TARS3: variants seen among roughly 807,000 people sequenced by gnomAD.
The protein encoded by TARS3 is threonine--tRNA ligase 2, cytoplasmic.
In TARS3, 94 loss-of-function variants were observed where a neutral mutation model predicts 103.5. The observed-to-expected ratio is 0.91, with a 90% confidence interval of 0.77 to 1.08. The LOEUF (loss-of-function observed/expected upper bound fraction) is 1.08, where lower values mean the gene tolerates loss of function less well. Among genes scored for constraint, TARS3 ranks in the 50% least tolerant of loss-of-function variants. The pLI is 0.00. For missense variants in TARS3, 952 were observed against 995.2 expected, an observed-to-expected ratio of 0.96 and a Z score of 0.58; for synonymous variants, 416 against 355.4, an observed-to-expected ratio of 1.17 and a Z score of -1.92.
rs564513238 is a variant in TARS3, at chr15:101,713,285, G to A, written c.691-1284C>T. Among the ~76,000 whole-genome samples the A allele has an allele frequency of 3.9e-5, 6 of 152,306 alleles. No individual in the cohort carries two copies. The South Asian group carries it at 1.2e-3, about 32-fold the overall frequency. On this transcript the variant is annotated intron_variant, in intron 4 of 18. Transcript: ENST00000335968. ...TGTGTGACTAACACGTAGGGGATGT[G>A]ACAAAGCATAGCTTGAGAAAGGTTA...
chr15:101,705,077 A>G (rs1899486912), intron 7 of TARS3, among the ~76,000 whole-genome samples: 1 of 152,258 alleles, frequency 6.6e-6, no homozygotes, highest in South Asian at 2.1e-4. Flanking sequence ...AAAGGGGAAC[A>G]GCAATGACAT....
chr15:101,656,288 A>G (rs2141376874), intron 18 of TARS3, among the ~76,000 whole-genome samples: 1 of 152,350 alleles, frequency 6.6e-6, no homozygotes, highest in South Asian at 2.1e-4. Context: ...GGTGTCAAAC[A>G]TTATCATTGA....
In TARS3 at chr15:101,712,278, C is replaced by T. The variant is rs559903932; in HGVS notation, c.691-277G>A. 4.2e-4 allele frequency among the ~76,000 whole-genome samples: 64 copies of T among 152,276 alleles called. 2 individuals are homozygous for T. In the South Asian group the frequency reaches 0.013, roughly 31 times the overall value. On this transcript the variant is annotated intron_variant, in intron 4 of 18. Transcript: ENST00000335968. ...CGGCCACAACCCCATTTCCTCTGTGCATGTCAGCCACGAGAGATGAACACC... is the reference window on the plus strand; with the variant it reads ...CGGCCACAACCCCATTTCCTCTGTGTATGTCAGCCACGAGAGATGAACACC...
At chr15:101,687,221 G>A (rs1451556121) in intron 10 of TARS3, among the ~76,000 whole-genome samples, 1 of 151,980 alleles carries the variant, frequency 6.6e-6, no homozygotes, top group East Asian at 1.9e-4. Context: ...TGGCTAACAT[G>A]ATGAAACCCC....
At chr15:101,672,969 G>A (rs781073353) in intron 13 of TARS3, among the ~76,000 whole-genome samples, 1 of 152,180 alleles carries the variant, frequency 6.6e-6, no homozygotes, top group African/African-American at 2.4e-5. Flanking sequence ...GGATAAAGCA[G>A]GGGTCACTGC....
chr15:101,664,970 A>G (rs918965948), intron 15 of TARS3, among the ~76,000 whole-genome samples: 6 of 152,250 alleles, frequency 3.9e-5, no homozygotes, highest in Admixed American at 1.3e-4. Context: ...AAAGTTTTAA[A>G]AAGTCATTCG....
At position 101,702,125 on chromosome 15, in the gene TARS3, A is replaced by G. The variant is rs1345260072; in HGVS notation, c.1221+114T>C. ...AGCAGCGGACTGTGAGTGCCAGCAA[A>G]ATAGGAGAGAAGAAGAAGAAATCTT... On this transcript the variant is annotated intron_variant, in intron 9 of 18. Coordinates refer to ENST00000335968, the MANE Select transcript of TARS3 (RefSeq NM_152334.3). 2.3e-6 allele frequency: 3 copies of G among 1,321,656 alleles called. No homozygotes were observed. In the African/African-American group the frequency reaches 4.4e-5, roughly 19 times the overall value. 81.9% of individuals were successfully genotyped at this position (1,321,656 alleles called of 1,614,324 possible).
In TARS3 at chr15:101,724,294, G is replaced by A. The variant is rs1900660291; in HGVS notation, c.94C>T (p.Leu32=). 4 of 1,573,924 alleles carry A rather than the reference G, an allele frequency of 2.5e-6. No individual in the cohort carries two copies. The African/African-American group carries it at 4.2e-5, about 16-fold the overall frequency. ...GGCGCGTTCAGCTGCTCGTCCCTCA[G>A]GCGCTCGACCTCCGACCACAGCCAG... ...IRWLWSEVER[L]RDEQLNAPYS... is the part of the protein sequence containing the mutation. Residue 32 remains leucine (L), a synonymous_variant, in exon 1 of 19, where the codon CTG becomes TTG. Coordinates refer to ENST00000335968, the MANE Select transcript of TARS3 (RefSeq NM_152334.3).
intron 13 of TARS3, among the ~76,000 whole-genome samples, chr15:101,673,997 C>A (rs745720467): frequency 9.2e-5 from 14 of 152,158 alleles, no homozygotes; most frequent in Non-Finnish European, 1.6e-4. Context: ...TACCCGCAGT[C>A]GACTGCAGTC....
chr15:101,681,895 CAT>C (rs1377410306), intron 12 of TARS3, among the ~76,000 whole-genome samples: 1 of 152,074 alleles, frequency 6.6e-6, no homozygotes, highest in East Asian at 1.9e-4. Context: ...AAAGTACTAT[CAT>C]ATGTTTTGAG....
intron 15 of TARS3, chr15:101,664,405 G>A (rs1307302814): frequency 4.6e-5 from 7 of 152,102 alleles, no homozygotes; most frequent in Non-Finnish European, 1.0e-4. Context: ...TAGACTTTTC[G>A]GAGTCCTACT....
At position 101,724,265 on chromosome 15, in the gene TARS3, G is replaced by A. The variant is rs773000889; in HGVS notation, c.123C>T (p.Tyr41=). Residue 41 remains tyrosine, a synonymous_variant, in exon 1 of 19, where the codon TAC becomes TAT. Transcript: ENST00000335968. Reference sequence around the variant, plus strand: ...GGCACGGCCCCTCCGCCTGGCAGCTGTAGGGCGCGTTCAGCTGCTCGTCCC... The same window carrying A: ...GGCACGGCCCCTCCGCCTGGCAGCTATAGGGCGCGTTCAGCTGCTCGTCCC... ...RLRDEQLNAP[Y]SCQAEGPCLT... 3 of 1,569,296 alleles carry A rather than the reference G, an allele frequency of 1.9e-6. No individual in the cohort carries two copies. Among genetic ancestry groups the A allele is most frequent in the Admixed American group, 3.6e-5 (2 of 55,784 alleles).
In TARS3 at chr15:101,708,793, C is replaced by T. The variant is rs200473690; in HGVS notation, c.930G>A (p.Lys310=). The T allele has an allele frequency of 3.5e-5, 56 of 1,603,010 alleles. No homozygotes were observed. Among genetic ancestry groups the T allele is most frequent in the Non-Finnish European group, 6.0e-6 (7 of 1,170,204 alleles). The change falls in exon 6 of 19, where the codon AAG becomes AAA. Residue 310 remains lysine, a splice_region_variant and synonymous_variant. Coordinates refer to ENST00000335968, the MANE Select transcript of TARS3 (RefSeq NM_152334.3). ...VSKEILLEMF[K]YNKFKCRILN... ...AGGTTTAGGAGTTTCCCCAAGTTAC[C>T]TTAAACATTTCCAGGAGGATTTCCT...
At position 101,654,383 on chromosome 15, in the gene TARS3, C is replaced by T; in HGVS notation, c.*199G>A. The T allele has an allele frequency of 2.1e-6, 1 of 476,924 alleles. No homozygotes were observed. Among genetic ancestry groups the T allele is most frequent in the Non-Finnish European group, 3.6e-6 (1 of 281,514 alleles). 29.5% of individuals were successfully genotyped at this position (476,924 alleles called of 1,614,324 possible). A position where few individuals can be genotyped will look rare whatever the true frequency, so the allele number is the denominator to read the frequency against. On this transcript the variant is annotated 3_prime_UTR_variant, in exon 19 of 19. Coordinates refer to ENST00000335968, the MANE Select transcript of TARS3 (RefSeq NM_152334.3). The stretch of plus-strand genomic sequence containing the variant: ...TGATTGCTGGAAAATTTCCCACGTG[C>T]CCTCTAAACGTCCCCCGTGGACATG...
chr15:101,665,966 C>T (rs1897563205), intron 15 of TARS3, among the ~76,000 whole-genome samples: 1 of 152,136 alleles, frequency 6.6e-6, no homozygotes, highest in Admixed American at 6.5e-5. Context: ...TGATAGAACT[C>T]GGGAGCCCCT....
At chr15:101,699,834 C>A (rs1486007425) in intron 10 of TARS3, among the ~76,000 whole-genome samples, 1 of 152,104 alleles carries the variant, frequency 6.6e-6, no homozygotes, top group Non-Finnish European at 1.5e-5. Context: ...GGATTGTCTT[C>A]TCAGAAAGTT....
chr15:101,683,156 A>C (rs1402685430), intron 12 of TARS3, among the ~76,000 whole-genome samples: 1 of 151,746 alleles, frequency 6.6e-6, no homozygotes, highest in East Asian at 1.9e-4. Flanking sequence ...CTTCCATTAC[A>C]TTGGGTGTAA....
intron 13 of TARS3, 148 bp from the exon 14 acceptor site, chr15:101,671,896 G>A (rs1897822238): frequency 1.5e-6 from 1 of 678,408 alleles, no homozygotes; most frequent in South Asian, 2.0e-5. Context: ...ATAAACTATT[G>A]AGCAGGGACT....
intron 15 of TARS3, among the ~76,000 whole-genome samples, chr15:101,666,116 T>C (rs1220765220): frequency 3.3e-5 from 5 of 152,228 alleles, no homozygotes; most frequent in African/African-American, 1.2e-4. Flanking sequence ...TTTTATTTCA[T>C]GTCTACTTAC....
Sources: gnomAD v4.1 joint callset for allele counts (sites outside exome capture counted in the v4.1 genomes callset) on GRCh38, gnomAD v4.1.1 for gene constraint, MANE v1.5 for transcripts, NCBI Gene and HGNC (gene_info 2026-07-23, HGNC 2026-07-21) for gene names.